The following ACAD10 variants were observed in gnomAD, a reference collection of about 807,000 sequenced individuals.
The protein encoded by ACAD10 is ACAD-10.
Under a neutral mutation model 116.8 loss-of-function variants are expected in ACAD10, and 112 were observed. The observed-to-expected ratio is 0.96, with a 90% CI of 0.82 to 1.12. ACAD10 has a LOEUF of 1.12. ACAD10 is among the 50% of genes most tolerant of loss of function. The probability of loss-of-function intolerance (pLI) is 0.00; values close to 1 mark genes in which losing one functional copy is unlikely to be tolerated. For missense variants in ACAD10, 1,259 were observed against 1,350.2 expected, an observed-to-expected ratio of 0.93 and a Z score of 1.06; for synonymous variants, 486 against 510.6, an observed-to-expected ratio of 0.95 and a Z score of 0.65.
chr12:111,747,677 T>G (rs1331487364), intron 16 of ACAD10: 2 of 1,202,272 alleles, frequency 1.7e-6, no homozygotes, highest in Non-Finnish European at 2.1e-6. Context: ...CTGTTCATTC[T>G]GCTTTGGGCA....
intron 12 of ACAD10, 46 bp downstream of exon 12, chr12:111,737,050 G>T (rs766408093): frequency 6.3e-7 from 1 of 1,591,242 alleles, no homozygotes; most frequent in Non-Finnish European, 8.6e-7. Context: ...GTGAGTCACA[G>T]CAAGGACCGT....
intron 12 of ACAD10, among the ~76,000 whole-genome samples, chr12:111,739,201 GAGAC>G (rs1420009127): frequency 6.6e-6 from 1 of 152,198 alleles, no homozygotes; most frequent in Non-Finnish European, 1.5e-5. Flanking sequence ...ACACCACTGA[GAGAC>G]AGACAGCCAG....
At chr12:111,730,482 T>C (rs189246496) in intron 10 of ACAD10, among the ~76,000 whole-genome samples, 1 of 151,618 alleles carries the variant, frequency 6.6e-6, no homozygotes, top group Admixed American at 6.6e-5. Context: ...GGGTATGTGA[T>C]GAGTCTGTAG....
At chr12:111,713,312 G>A (rs1446082858) in intron 6 of ACAD10, among the ~76,000 whole-genome samples, 1 of 143,156 alleles carries the variant, frequency 7.0e-6, no homozygotes, top group Non-Finnish European at 1.5e-5. Context: ...CTCCATCTCG[G>A]GGGGAAAAAA....
At chr12:111,731,841 G>A (rs1413546517) in intron 10 of ACAD10, among the ~76,000 whole-genome samples, 2 of 152,194 alleles carry the variant, frequency 1.3e-5, no homozygotes, top group African/African-American at 2.4e-5. Flanking sequence ...CCAGCACTTT[G>A]GGAGGCGAAA....
Position 111,756,355 on chromosome 12 carries a change from G to T in ACAD10, c.3062G>T (p.Ser1021Ile). Residue 1021 changes from serine to isoleucine, a missense_variant, in exon 21 of 21, where the codon AGC becomes ATC. By Grantham distance (142) the Ser-to-Ile change is moderately radical (BLOSUM62 -2). Transcript: ENST00000313698. ...CAGGCCTTTGGAGCAGCAGGCCTGA[G>T]CAGCGACTACCCACTGGCTCAGTTC... is the stretch of plus-strand genomic sequence containing the variant. ...AIQAFGAAGL[S>I]SDYPLAQFFT... The T allele has an allele frequency of 6.2e-7, 1 of 1,609,032 alleles. No individual in the cohort carries two copies.
intron 12 of ACAD10, among the ~76,000 whole-genome samples, chr12:111,743,243 G>T (rs1231946935): frequency 6.6e-6 from 1 of 152,078 alleles, no homozygotes; most frequent in African/African-American, 2.4e-5. Flanking sequence ...AGTGACATAT[G>T]TATTTATGGG....
chr12:111,736,182 A>G (rs1003347053), intron 11 of ACAD10, among the ~76,000 whole-genome samples: 1 of 99,578 alleles, frequency 1.0e-5, no homozygotes, highest in Non-Finnish European at 2.0e-5. Flanking sequence ...CACCCAGCCA[A>G]TTGTTTTTTT....
Position 111,728,138 on chromosome 12 carries a change from A to C in ACAD10, c.1238A>C (p.Lys413Thr). The C allele has an allele frequency of 6.2e-7, 1 of 1,600,786 alleles. No homozygotes were observed. The highest frequency in any genetic ancestry group is 1.7e-4 in the Middle Eastern group (1 of 5,984). The change falls in exon 9 of 21, where the codon AAG becomes ACG. Residue 413 changes from lysine (K) to threonine (T), a missense_variant. Coordinates refer to ENST00000313698, the MANE Select transcript of ACAD10 (RefSeq NM_025247.6). ...LQAVGLEDYGKQGDYIPRQVR... is the reference protein window; with the variant it reads ...LQAVGLEDYGTQGDYIPRQVR... ...GCTGTGGGACTTGAAGACTATGGGA[A>C]GCAAGGTGAGCAGGAGGCCACGTCT...
chr12:111,744,664 C>T lies in ACAD10; in HGVS notation c.1736C>T (p.Ala579Val), dbSNP rs533004686. ...TTAGGGCAAGCAAGCTCCACATATGCGGAACAAACTGGAAAGCTGACCGAA... is the reference window on the plus strand; with the variant it reads ...TTAGGGCAAGCAAGCTCCACATATGTGGAACAAACTGGAAAGCTGACCGAA... The part of the protein sequence containing the change: ...SLTGQASSTY[A>V]EQTGKLTEFV... Residue 579 changes from alanine (A) to valine (V), a missense_variant, in exon 13 of 21, where the codon GCG becomes GTG. Transcript: ENST00000313698. 2.1e-5 allele frequency: 34 copies of T among 1,613,642 alleles called. No individual in the cohort carries two copies. Among genetic ancestry groups the T allele is most frequent in the Admixed American group, 2.0e-4 (12 of 59,988 alleles).
chr12:111,704,344 G>A (rs972126067), intron 3 of ACAD10, among the ~76,000 whole-genome samples: 4 of 152,022 alleles, frequency 2.6e-5, no homozygotes, highest in African/African-American at 9.7e-5. Context: ...GTTTCACCAT[G>A]TTGGCCAGGA....
chr12:111,731,744 A>G (rs191767021), intron 10 of ACAD10, among the ~76,000 whole-genome samples: 1 of 152,302 alleles, frequency 6.6e-6, no homozygotes, highest in Admixed American at 6.5e-5. Context: ...TAGTGGAGTG[A>G]ATCAGCGGTG....
intron 7 of ACAD10, among the ~76,000 whole-genome samples, chr12:111,721,288 C>T (rs1013362357): frequency 3.9e-5 from 6 of 152,032 alleles, no homozygotes; most frequent in African/African-American, 1.5e-4. Context: ...TAATTTCAGG[C>T]CAGGCACAAT....
intron 8 of ACAD10, among the ~76,000 whole-genome samples, chr12:111,724,482 A>C (rs1433252298): frequency 6.6e-6 from 1 of 152,184 alleles, no homozygotes; most frequent in African/African-American, 2.4e-5. Context: ...GTAGCGAGCC[A>C]AGATCACGCC....
At position 111,708,904 on chromosome 12, in the gene ACAD10, C is replaced by T. The variant is rs149026316; in HGVS notation, c.532-622C>T. ...TGGCTGAAGCAAGGTCGTCAGAGTA[C>T]AGGAGCCTCTTAGCATGTCAGGAAC... is the stretch of plus-strand genomic sequence containing the variant. On this transcript the variant is annotated intron_variant, in intron 4 of 20. Coordinates refer to ENST00000313698, the MANE Select transcript of ACAD10 (RefSeq NM_025247.6). Among the ~76,000 whole-genome samples the T allele has an allele frequency of 5.9e-5, 9 of 152,216 alleles. No homozygotes were observed. In the East Asian group the frequency reaches 1.2e-3, roughly 20 times the overall value.
chr12:111,723,982 G>A (rs1889134284), intron 8 of ACAD10, among the ~76,000 whole-genome samples: 1 of 150,018 alleles, frequency 6.7e-6, no homozygotes, highest in Non-Finnish European at 1.5e-5. Context: ...CCACATCTCA[G>A]ATGATGGGCG....
At chr12:111,692,970 G>C in intron 2 of ACAD10, 74 bp downstream of exon 2, 1 of 1,531,020 alleles carries the variant, frequency 6.5e-7, no homozygotes, top group Non-Finnish European at 8.9e-7. Context: ...CGGGAAGGCA[G>C]AGGGGAACAC....
intron 7 of ACAD10, among the ~76,000 whole-genome samples, chr12:111,717,346 C>T (rs1224112570): frequency 1.3e-5 from 1 of 76,856 alleles, no homozygotes; most frequent in Non-Finnish European, 2.8e-5. Context: ...GACCCTGTCT[C>T]AAAAAAAAAA....
chr12:111,728,032 G>T lies in ACAD10; in HGVS notation c.1132G>T (p.Gly378Cys), dbSNP rs1656929032. 4 of 1,614,144 alleles carry T rather than the reference G, an allele frequency of 2.5e-6. No homozygotes were observed. The Middle Eastern group carries it at 4.9e-4, about 200-fold the overall frequency. The change falls in exon 9 of 21, where the codon GGC becomes TGC. Residue 378 changes from glycine to cysteine, a missense_variant. Physicochemically the swap from Gly to Cys is radical, Grantham distance 159 (BLOSUM62 -3). Coordinates refer to ENST00000313698, the MANE Select transcript of ACAD10 (RefSeq NM_025247.6). ...GLIYKDPSLP[G>C]LEPSHRRAIY... is the part of the protein sequence containing the mutation. ...CATCTACAAAGACCCTTCCCTGCCA[G>T]GCTTGGAGCCCAGCCACAGACGAGC...
Sources: gnomAD v4.1 joint callset for allele counts (sites outside exome capture counted in the v4.1 genomes callset) on GRCh38, gnomAD v4.1.1 for gene constraint, MANE v1.5 for transcripts, NCBI Gene and HGNC (gene_info 2026-07-23, HGNC 2026-07-21) for gene names.